PCBP3: variants seen among roughly 807,000 people sequenced by gnomAD.
PCBP3 encodes poly(rC)-binding protein 3.
In PCBP3, 25 loss-of-function variants were observed where a neutral mutation model predicts 52.7. That is an observed-to-expected ratio of 0.47 (90% CI 0.35 to 0.66). The LOEUF is 0.66. Ranked by LOEUF, PCBP3 falls within the 30% of genes least tolerant of loss-of-function variation. The pLI is 0.01. For synonymous variants in PCBP3, 162 were observed against 183.0 expected (o/e 0.89, Z 0.93); for missense variants, 391 against 490.3 (o/e 0.80, Z 1.91).
At chr21:45,746,148 C>CTG (rs201079456) in intron 3 of PCBP3, among the ~76,000 whole-genome samples, 1 of 132,120 alleles carries the variant, frequency 7.6e-6, no homozygotes, top group Non-Finnish European at 1.6e-5. Flanking sequence ...GTCAGCATCG[C>CTG]TGTCAGTCCA....
intron 5 of PCBP3, among the ~76,000 whole-genome samples, chr21:45,860,277 T>C (rs1246217049): frequency 2.6e-5 from 4 of 152,214 alleles, no homozygotes; most frequent in Non-Finnish European, 5.9e-5. Flanking sequence ...AGAAAAGGAA[T>C]GAAGCAGCTG....
rs2146886767 is a variant in PCBP3, at chr21:45,805,893, C to G, written c.-125-44068C>G. Among the ~76,000 whole-genome samples the G allele has an allele frequency of 6.6e-6, 1 of 152,226 alleles. No individual in the cohort carries two copies. Among genetic ancestry groups the G allele is most frequent in the South Asian group, 2.1e-4 (1 of 4,830 alleles). ...TGAGGAAAGGAGGGCGAGAGCAGAG[C>G]TGGGGGGGCGGGCCATGAGGGGAAG... On this transcript the variant is annotated intron_variant, in intron 4 of 17. Coordinates refer to ENST00000681687, the MANE Select transcript of PCBP3 (RefSeq NM_001384156.1). This position sits in a 1 kb window ranked among gnomAD's most constrained non-coding sequence, Gnocchi z 4.6.
At chr21:45,759,952 G>A (rs914108814) in intron 4 of PCBP3, 1 of 152,166 alleles carries the variant, frequency 6.6e-6, no homozygotes, top group Non-Finnish European at 1.5e-5. Context: ...CAGTGGAAAG[G>A]AGAAGATAGC....
chr21:45,876,571 T>C (rs542429172), intron 5 of PCBP3, among the ~76,000 whole-genome samples: 1 of 152,316 alleles, frequency 6.6e-6, no homozygotes, highest in South Asian at 2.1e-4. Flanking sequence ...GAATGCCGCC[T>C]GTGACAGGCA....
chr21:45,667,473 A>G (rs1369053304), intron 1 of PCBP3, among the ~76,000 whole-genome samples: 1 of 152,140 alleles, frequency 6.6e-6, no homozygotes, highest in Non-Finnish European at 1.5e-5. Flanking sequence ...CACTCTAATG[A>G]ATGTGCTATT....
chr21:45,674,797 T>G (rs1041524901), intron 2 of PCBP3, among the ~76,000 whole-genome samples: 1 of 152,196 alleles, frequency 6.6e-6, no homozygotes, highest in African/African-American at 2.4e-5. Flanking sequence ...TGAGATGTGA[T>G]CCGTAGATTC....
In PCBP3 at chr21:45,830,114, CT is replaced by C. The variant is rs2093410627; in HGVS notation, c.-125-19846del. ...CCAAGGGGATGGAGGAAGCCTTCCC[CT>C]GACCCTTTTGGGGGCATGCAGTACA... On this transcript the variant is annotated intron_variant, in intron 4 of 17. Coordinates refer to ENST00000681687, the MANE Select transcript of PCBP3 (RefSeq NM_001384156.1). The surrounding 1 kb of genome is among the most constrained non-coding windows in gnomAD (Gnocchi z 4.4). The C allele has an allele frequency of 6.5e-6, 1 of 152,770 alleles. No individual in the cohort carries two copies. The highest frequency in any genetic ancestry group is 6.5e-5 in the Admixed American group (1 of 15,284). The allele number at this position is 152,770 out of a possible 1,614,324, so 9.5% of individuals were successfully genotyped here.
intron 1 of PCBP3, among the ~76,000 whole-genome samples, chr21:45,646,105 CTCTGTGTGTGTGTGTG>C (rs1272192220): frequency 8.6e-5 from 8 of 92,906 alleles, no homozygotes; most frequent in Admixed American, 6.2e-4. Flanking sequence ...CTCTCTCTCT[CTCTGTGTGTGTGTGTG>C]TGTGTGTGTG....
intron 14 of PCBP3, among the ~76,000 whole-genome samples, 178 bp downstream of exon 14, chr21:45,930,173 G>A (rs373495488): frequency 2.0e-5 from 3 of 151,836 alleles, no homozygotes; most frequent in Non-Finnish European, 2.9e-5. Context: ...GGGTGGGGGC[G>A]GGAGGTGGGT....
intron 5 of PCBP3, among the ~76,000 whole-genome samples, chr21:45,892,886 G>A (rs8132054): frequency 0.46 from 69,871 of 151,562 alleles, 17,728 homozygotes; most frequent in African/African-American, 0.69. Flanking sequence ...CTACTTCCAT[G>A]GCTGTGCGTC....
At position 45,896,196 on chromosome 21, in the gene PCBP3, T is replaced by TTC. The variant is rs762684868; in HGVS notation, c.11-5_11-4dup. 4.6e-5 allele frequency: 71 copies of TTC among 1,550,824 alleles called. No homozygotes were observed. Among genetic ancestry groups the TTC allele is most frequent in the Non-Finnish European group, 6.1e-5 (70 of 1,146,898 alleles). On this transcript the variant is annotated splice_polypyrimidine_tract_variant and intron_variant, in intron 5 of 17. Transcript: ENST00000681687. Reference sequence around the variant, plus strand: ...ACTCTTCTCTAGCAGCAGCTGTGCCTTCTCTCTCCAGGTGACGCCTTCTGG... The same window carrying TTC: ...ACTCTTCTCTAGCAGCAGCTGTGCCTTCTCTCTCTCCAGGTGACGCCTTCTGG...
In PCBP3 at chr21:45,802,714, G is replaced by A. The variant is rs998331644; in HGVS notation, c.-125-47247G>A. On this transcript the variant is annotated intron_variant, in intron 4 of 17. Coordinates refer to ENST00000681687, the MANE Select transcript of PCBP3 (RefSeq NM_001384156.1). This position sits in a 1 kb window ranked among gnomAD's most constrained non-coding sequence, Gnocchi z 5.1. ...AGGAGAGGCCCTGAGGGAGGCAGGA[G>A]CAGGAGGGGCATCGTGTCCCCAAGG... 6.6e-6 allele frequency among the ~76,000 whole-genome samples: 1 copy of A among 152,152 alleles called. No individual in the cohort carries two copies. Among genetic ancestry groups the A allele is most frequent in the East Asian group, 1.9e-4 (1 of 5,170 alleles).
intron 13 of PCBP3, chr21:45,918,761 G>T (rs74863785): frequency 2.8e-5 from 1 of 35,748 alleles, no homozygotes. Context: ...TCAGATAAAC[G>T]GTCGGTGTAA....
intron 5 of PCBP3, chr21:45,858,946 C>T (rs532407617): frequency 8.5e-5 from 13 of 152,358 alleles, no homozygotes; most frequent in Non-Finnish European, 1.8e-4. Flanking sequence ...TAAGACGTCC[C>T]TTTGCTCTTC....
intron 1 of PCBP3, among the ~76,000 whole-genome samples, chr21:45,663,300 A>G (rs1344165049): frequency 6.6e-6 from 1 of 151,578 alleles, no homozygotes; most frequent in Non-Finnish European, 1.5e-5. Context: ...TCTTGTATCC[A>G]ATAAATAACA....
intron 4 of PCBP3, among the ~76,000 whole-genome samples, chr21:45,777,801 A>G (rs1159705894): frequency 6.6e-6 from 1 of 151,940 alleles, no homozygotes; most frequent in Non-Finnish European, 1.5e-5. Context: ...TCCCATTTAT[A>G]TAATGAATTC....
At chr21:45,839,482 A>T (rs936571344) in intron 4 of PCBP3, among the ~76,000 whole-genome samples, 67 of 152,170 alleles carry the variant, frequency 4.4e-4, no homozygotes, top group African/African-American at 1.6e-3. Context: ...GTTCTTCAGG[A>T]TGGGCTCATC....
At chr21:45,886,376 G>A (rs61103425) in intron 5 of PCBP3, among the ~76,000 whole-genome samples, 1 of 127,564 alleles carries the variant, frequency 7.8e-6, no homozygotes, top group Non-Finnish European at 1.6e-5. Flanking sequence ...TCATTGCCGC[G>A]GGTGCCAAGG....
intron 4 of PCBP3, among the ~76,000 whole-genome samples, chr21:45,765,642 T>C (rs910136489): frequency 6.6e-6 from 1 of 152,130 alleles, no homozygotes; most frequent in Non-Finnish European, 1.5e-5. Flanking sequence ...TTGTCTGCCT[T>C]CCTGAGGGGT....
Sources: allele counts gnomAD v4.1 joint callset (sites outside exome capture counted in the v4.1 genomes callset), GRCh38; gene constraint gnomAD v4.1.1; non-coding constraint Gnocchi (gnomAD v3.1); transcripts MANE v1.5; gene names NCBI Gene and HGNC (gene_info 2026-07-23, HGNC 2026-07-21).